COL22A1: variants seen among roughly 807,000 people sequenced by gnomAD.
COL22A1 encodes collagen alpha-1(XXII) chain.
COL22A1 carries 221 observed loss-of-function variants against 248.9 expected under a neutral mutation model. The ratio of observed to expected loss-of-function variants is 0.89; its 90% CI spans 0.80 to 0.99. The LOEUF (loss-of-function observed/expected upper bound fraction) is 0.99, where lower values mean the gene tolerates loss of function less well. Among genes scored for constraint, COL22A1 ranks in the 50% least tolerant of loss-of-function variants. The pLI, the probability that COL22A1 is intolerant of heterozygous loss-of-function variation, is 0.00. For synonymous variants in COL22A1, 891 were observed against 793.4 expected (o/e 1.12, Z -2.07); for missense variants, 2,240 against 2,179.0 (o/e 1.03, Z -0.56).
At chr8:138,896,986 C>T (rs529970063) in intron 1 of COL22A1, among the ~76,000 whole-genome samples, 1 of 151,826 alleles carries the variant, frequency 6.6e-6, no homozygotes, top group Non-Finnish European at 1.5e-5. Flanking sequence ...AAAAAAAATC[C>T]ATTCAGGCCC....
At chr8:138,787,261 G>T (rs1180713720) in intron 12 of COL22A1, among the ~76,000 whole-genome samples, 2 of 150,006 alleles carry the variant, frequency 1.3e-5, no homozygotes, top group Non-Finnish European at 3.0e-5. Context: ...ATAAAGCACA[G>T]AAGAAAAAAA....
At chr8:138,753,961 A>G (rs575805403) in intron 21 of COL22A1, among the ~76,000 whole-genome samples, 89 of 152,318 alleles carry the variant, frequency 5.8e-4, no homozygotes, top group Non-Finnish European at 1.0e-3. Context: ...CTCCGTGGTG[A>G]AAACAGGAGA....
At chr8:138,718,121 C>CAA (rs35646900) in intron 27 of COL22A1, among the ~76,000 whole-genome samples, 26 of 146,172 alleles carry the variant, frequency 1.8e-4, no homozygotes, top group Admixed American at 9.6e-4. Flanking sequence ...GAGAGAAAGA[C>CAA]AAAAAAAAAA....
chr8:138,771,850 T>C (rs1218265019), intron 16 of COL22A1, among the ~76,000 whole-genome samples: 1 of 152,138 alleles, frequency 6.6e-6, no homozygotes, highest in Non-Finnish European at 1.5e-5. Context: ...CCCCGGGGCC[T>C]GCGGAGAGCT....
chr8:138,703,914 A>G (rs2130998341), intron 30 of COL22A1, among the ~76,000 whole-genome samples: 1 of 152,256 alleles, frequency 6.6e-6, no homozygotes, highest in East Asian at 1.9e-4. Context: ...GAAAATTGGG[A>G]CACTCCCACC....
chr8:138,870,550 T>A (rs1030492166), intron 3 of COL22A1, among the ~76,000 whole-genome samples: 2 of 151,618 alleles, frequency 1.3e-5, no homozygotes, highest in Non-Finnish European at 2.9e-5. Flanking sequence ...AGACTGTGTG[T>A]ATGTGGTGCG....
intron 10 of COL22A1, among the ~76,000 whole-genome samples, chr8:138,803,415 C>T (rs1270468403): frequency 6.6e-6 from 1 of 152,010 alleles, no homozygotes; most frequent in Non-Finnish European, 1.5e-5. Flanking sequence ...TAACCAGGCC[C>T]GACCCTGCTT....
intron 51 of COL22A1, 48 bp downstream of exon 51, chr8:138,626,142 G>A: frequency 7.0e-7 from 1 of 1,435,854 alleles, no homozygotes; most frequent in South Asian, 1.2e-5. Context: ...TTTTTATAAA[G>A]AGAAACTAGT....
intron 1 of COL22A1, among the ~76,000 whole-genome samples, chr8:138,910,753 C>A (rs960563384): frequency 8.5e-5 from 13 of 152,134 alleles, no homozygotes; most frequent in Non-Finnish European, 1.0e-4. Flanking sequence ...GCAAAAAGGT[C>A]TTAGTTGAAA....
chr8:138,770,143 C>G (rs1331210606), intron 16 of COL22A1, among the ~76,000 whole-genome samples: 1 of 152,180 alleles, frequency 6.6e-6, no homozygotes, highest in African/African-American at 2.4e-5. Flanking sequence ...GGCTGGTGCT[C>G]TTCCCATTTT....
At chr8:138,617,073 T>A (rs1488588525) in intron 53 of COL22A1, 115 bp from the exon 54 acceptor site, 12 of 1,083,746 alleles carry the variant, frequency 1.1e-5, no homozygotes, top group Non-Finnish European at 1.7e-5. Context: ...TTCTTTACCA[T>A]TTGCAGGATA....
intron 30 of COL22A1, among the ~76,000 whole-genome samples, chr8:138,709,886 C>T (rs149990471): frequency 6.6e-6 from 1 of 152,278 alleles, no homozygotes; most frequent in East Asian, 1.9e-4. Flanking sequence ...TTTGTTACAG[C>T]AAATATCCTC....
In COL22A1 at chr8:138,684,359, A is replaced by G. The variant is rs375606999; in HGVS notation, c.3012+66T>C. ...AGGTAACCGGAGATGCTTATAATCA[A>G]TTTTTCCACGTTCTCTTTCAAACGG... On this transcript the variant is annotated intron_variant, in intron 39 of 64. Coordinates refer to ENST00000303045, the MANE Select transcript of COL22A1 (RefSeq NM_152888.3). 5.7e-6 allele frequency: 6 copies of G among 1,051,656 alleles called. No homozygotes were observed. The African/African-American group carries it at 7.8e-5, about 14-fold the overall frequency. The allele number at this position is 1,051,656 out of a possible 1,614,324, so 65.1% of individuals were successfully genotyped here. A position where few individuals can be genotyped will look rare whatever the true frequency, so the allele number is the denominator to read the frequency against.
intron 22 of COL22A1, among the ~76,000 whole-genome samples, chr8:138,747,382 G>A (rs1832205506): frequency 6.6e-6 from 1 of 152,016 alleles, no homozygotes; most frequent in African/African-American, 2.4e-5. Context: ...TTGAAAACAT[G>A]GAAAAGCTCC....
intron 29 of COL22A1, among the ~76,000 whole-genome samples, chr8:138,715,953 T>A (rs1164523090): frequency 6.6e-6 from 1 of 152,152 alleles, no homozygotes; most frequent in Admixed American, 6.5e-5. Context: ...ATTTGTCCCC[T>A]GACAGATGGT....
intron 7 of COL22A1, among the ~76,000 whole-genome samples, chr8:138,820,328 G>A (rs974806844): frequency 2.6e-5 from 4 of 152,132 alleles, no homozygotes; most frequent in East Asian, 1.9e-4. Context: ...GGGAGCTAAC[G>A]TTGACTTCAG....
intron 1 of COL22A1, among the ~76,000 whole-genome samples, chr8:138,912,445 G>A (rs1275890282): frequency 6.6e-6 from 1 of 152,220 alleles, no homozygotes; most frequent in Non-Finnish European, 1.5e-5. Context: ...GTAGACATAG[G>A]AGTGTCGGCA....
At chr8:138,846,921 C>T (rs1573809) in intron 3 of COL22A1, among the ~76,000 whole-genome samples, 145,524 of 152,314 alleles carry the variant, frequency 0.96, 69,574 homozygotes, top group East Asian at 1. Context: ...ACTCCAAACA[C>T]GTGAGTGAAA....
intron 61 of COL22A1, among the ~76,000 whole-genome samples, chr8:138,597,398 AT>A (rs1187272786): frequency 6.6e-6 from 1 of 152,034 alleles, no homozygotes; most frequent in Non-Finnish European, 1.5e-5. Context: ...ACTCATGTGG[AT>A]TTCCCCTGCC....
Sources: allele counts gnomAD v4.1 joint callset (sites outside exome capture counted in the v4.1 genomes callset), GRCh38; gene constraint gnomAD v4.1.1; transcripts MANE v1.5; gene names NCBI Gene and HGNC (gene_info 2026-07-23, HGNC 2026-07-21).